GALNTL6: variants seen among roughly 807,000 people sequenced by gnomAD.
The protein encoded by GALNTL6 is polypeptide N-acetylgalactosaminyltransferase-like 6.
A neutral mutation model predicts 73.7 loss-of-function variants in GALNTL6; 46 were observed. The observed-to-expected ratio is 0.62, with a 90% CI of 0.49 to 0.80. The LOEUF (loss-of-function observed/expected upper bound fraction) is 0.80. Among genes scored for constraint, GALNTL6 ranks in the 30% least tolerant of loss-of-function variants. The pLI is 0.00. For missense variants in GALNTL6, 604 were observed against 755.0 expected (o/e 0.80, Z 2.34); for synonymous variants, 259 against 263.7 (o/e 0.98, Z 0.17).
chr4:172,117,915 G>A (rs1560930066), intron 2 of GALNTL6, among the ~76,000 whole-genome samples: 1 of 152,116 alleles, frequency 6.6e-6, no homozygotes, highest in Non-Finnish European at 1.5e-5. Flanking sequence ...AAGGGGGAAT[G>A]GTGAAAATTG....
In GALNTL6 at chr4:171,912,032, ATTC is replaced by A. The variant is rs571221607; in HGVS notation, c.138+97319_138+97321del. Among the ~76,000 whole-genome samples the A allele has an allele frequency of 7.3e-4, 111 of 152,254 alleles. 2 individuals carry two copies. The highest frequency in any genetic ancestry group is 2.5e-3 in the Admixed American group (38 of 15,294). On this transcript the variant is annotated intron_variant, in intron 2 of 12. Coordinates refer to ENST00000506823, the MANE Select transcript of GALNTL6 (RefSeq NM_001034845.3). ...GATGAGATAATCCCATCTACTTAGA[ATTC>A]TTCTGCTTAATCTTAAAAATACTGA...
chr4:172,723,881 A>T (rs1407247412), intron 5 of GALNTL6, among the ~76,000 whole-genome samples: 1 of 152,152 alleles, frequency 6.6e-6, no homozygotes, highest in Non-Finnish European at 1.5e-5. Flanking sequence ...TATATTTTTG[A>T]GCCACAAAAG....
chr4:171,997,847 G>A (rs1315971744), intron 2 of GALNTL6, among the ~76,000 whole-genome samples: 1 of 152,100 alleles, frequency 6.6e-6, no homozygotes, highest in African/African-American at 2.4e-5. Flanking sequence ...TTGTCACAGG[G>A]TAGGACCTTC....
chr4:172,422,888 C>T (rs1425907276), intron 5 of GALNTL6, among the ~76,000 whole-genome samples: 1 of 150,824 alleles, frequency 6.6e-6, no homozygotes, highest in Admixed American at 6.6e-5. Flanking sequence ...CACTTATTTC[C>T]GGATTAAGTG....
chr4:172,478,538 G>T (rs969818087), intron 5 of GALNTL6, among the ~76,000 whole-genome samples: 1 of 152,134 alleles, frequency 6.6e-6, no homozygotes. Context: ...TACATGTAAG[G>T]CTGGAAACCA....
chr4:172,992,610 G>A (rs1359597592), intron 10 of GALNTL6, among the ~76,000 whole-genome samples: 1 of 152,118 alleles, frequency 6.6e-6, no homozygotes, highest in Non-Finnish European at 1.5e-5. Context: ...ATACACAGAA[G>A]CAGATCTGGT....
At chr4:172,595,993 A>T (rs1319738808) in intron 5 of GALNTL6, among the ~76,000 whole-genome samples, 1 of 152,098 alleles carries the variant, frequency 6.6e-6, no homozygotes, top group Non-Finnish European at 1.5e-5. Context: ...AAACATATAC[A>T]TATATAAAAA....
At chr4:171,861,273 T>C (rs1735824791) in intron 2 of GALNTL6, among the ~76,000 whole-genome samples, 1 of 152,150 alleles carries the variant, frequency 6.6e-6, no homozygotes, top group Admixed American at 6.6e-5. Flanking sequence ...GGTTCAATGC[T>C]TTAAAATTAT....
intron 5 of GALNTL6, among the ~76,000 whole-genome samples, chr4:172,714,705 C>A (rs1289562963): frequency 6.6e-6 from 1 of 151,938 alleles, no homozygotes; most frequent in African/African-American, 2.4e-5. Context: ...AATACATAGG[C>A]CATTTAAAAT....
intron 2 of GALNTL6, among the ~76,000 whole-genome samples, chr4:171,926,853 C>T (rs139075722): frequency 7.5e-4 from 114 of 152,144 alleles, no homozygotes; most frequent in African/African-American, 2.5e-3. Context: ...GATACTAACT[C>T]TTCGTTAGTT....
At position 172,233,522 on chromosome 4, in the gene GALNTL6, T is replaced by C. The variant is rs368729035; in HGVS notation, c.247+3758T>C. Among the ~76,000 whole-genome samples, 33 of 152,178 alleles carry C rather than the reference T, an allele frequency of 2.2e-4. 1 individual carries two copies. In the East Asian group the frequency reaches 6.4e-3, roughly 29 times the overall value. ...ATTATTATTAACATTTATTAAGAAA[T>C]TTGTCTTTCCCTCCATTGCTCTGAA... is the stretch of plus-strand genomic sequence containing the variant. On this transcript the variant is annotated intron_variant, in intron 3 of 12. Coordinates refer to ENST00000506823, the MANE Select transcript of GALNTL6 (RefSeq NM_001034845.3).
rs373199607 is a variant in GALNTL6, at chr4:172,158,413, A to AT, written c.139-71241dup. ...CCCTGGTTACTCAGATTTTATTCTC[A>AT]TTAAAAAAAAAAACAGCTAGCAAAC... On this transcript the variant is annotated intron_variant, in intron 2 of 12. Transcript: ENST00000506823. Among the ~76,000 whole-genome samples the AT allele has an allele frequency of 2.1e-4, 32 of 152,016 alleles. No homozygotes were observed. The East Asian group carries it at 2.7e-3, about 13-fold the overall frequency.
intron 5 of GALNTL6, among the ~76,000 whole-genome samples, chr4:172,705,205 C>A (rs1242000738): frequency 8.2e-6 from 1 of 122,036 alleles, no homozygotes; most frequent in Admixed American, 8.6e-5. Flanking sequence ...TAAGGACTTA[C>A]TACTGCTATT....
Position 173,014,653 on chromosome 4 carries a change from G to C in GALNTL6, c.1488+5359G>C, listed in dbSNP as rs149109753. On this transcript the variant is annotated intron_variant, in intron 11 of 12. Transcript: ENST00000506823. ...GGGTGCAAACTGCAAGGAGAAACAT[G>C]CTGTATCTCAGGTTTCTGCAAACCT... 3.3e-3 allele frequency among the ~76,000 whole-genome samples: 503 copies of C among 152,266 alleles called. 3 individuals are homozygous for C. Among genetic ancestry groups the C allele is most frequent in the African/African-American group, 0.011 (453 of 41,552 alleles).
intron 5 of GALNTL6, among the ~76,000 whole-genome samples, chr4:172,757,810 G>T (rs1266407679): frequency 6.6e-6 from 1 of 152,096 alleles, no homozygotes; most frequent in African/African-American, 2.4e-5. Flanking sequence ...TACGTCCCAT[G>T]TGTTTTTTTC....
At chr4:171,867,473 C>T (rs973430715) in intron 2 of GALNTL6, among the ~76,000 whole-genome samples, 10 of 152,180 alleles carry the variant, frequency 6.6e-5, no homozygotes, top group African/African-American at 2.2e-4. Context: ...CTTCCAATGT[C>T]CTTCTAGTCA....
intron 5 of GALNTL6, among the ~76,000 whole-genome samples, chr4:172,534,654 C>T (rs566875644): frequency 4.6e-5 from 7 of 152,176 alleles, no homozygotes; most frequent in South Asian, 2.1e-4. Flanking sequence ...CTGCAACCTC[C>T]GCCTCCTGGG....
At chr4:172,153,556 G>A (rs1049035405) in intron 2 of GALNTL6, among the ~76,000 whole-genome samples, 2 of 152,080 alleles carry the variant, frequency 1.3e-5, no homozygotes, top group African/African-American at 2.4e-5. Flanking sequence ...AAAATGCCAC[G>A]TTTAAAATCA....
intron 5 of GALNTL6, among the ~76,000 whole-genome samples, chr4:172,704,620 A>G (rs1734216602): frequency 6.6e-6 from 1 of 152,044 alleles, no homozygotes; most frequent in Non-Finnish European, 1.5e-5. Context: ...CACGTGGTCT[A>G]TCCTAGAGAA....
Sources: gnomAD v4.1 joint callset for allele counts (sites outside exome capture counted in the v4.1 genomes callset) on GRCh38, gnomAD v4.1.1 for gene constraint, MANE v1.5 for transcripts, NCBI Gene and HGNC (gene_info 2026-07-23, HGNC 2026-07-21) for gene names.